The following ZBTB20 variants were observed in gnomAD, a reference collection of about 807,000 sequenced individuals.
ZBTB20 encodes the protein zinc finger and BTB domain-containing protein 20.
ZBTB20 carries 9 observed loss-of-function variants against 56.9 expected under a neutral mutation model. The ratio of observed to expected loss-of-function variants is 0.16; its 90% CI spans 0.10 to 0.28. The LOEUF (loss-of-function observed/expected upper bound fraction) is 0.28. Among genes scored for constraint, ZBTB20 ranks in the 10% least tolerant of loss-of-function variants. The pLI is 1.00. For synonymous variants in ZBTB20, 417 were observed against 420.7 expected (o/e 0.99, Z 0.11); for missense variants, 655 against 1,003.0 (o/e 0.65, Z 4.69).
intron 1 of ZBTB20, among the ~76,000 whole-genome samples, chr3:115,107,613 T>C (rs2083760174): frequency 1.3e-5 from 2 of 152,086 alleles, no homozygotes; most frequent in African/African-American, 4.8e-5. Flanking sequence ...GAACCAGAAA[T>C]GCCATCTGAC....
At chr3:114,811,839 G>A (rs1292104243) in intron 4 of ZBTB20, among the ~76,000 whole-genome samples, 2 of 123,554 alleles carry the variant, frequency 1.6e-5, no homozygotes, top group African/African-American at 6.0e-5. Flanking sequence ...ATGGAACTCC[G>A]TCACCTTGTT....
chr3:114,634,871 C>CATACTGTGTACTGACGCA (rs2059168948), intron 6 of ZBTB20, among the ~76,000 whole-genome samples: 1 of 152,172 alleles, frequency 6.6e-6, no homozygotes, highest in Admixed American at 6.5e-5. Flanking sequence ...TATATTGCCT[C>CATACTGTGTACTGACGCA]ATACTGTGTA....
chr3:115,145,121 G>A (rs1157984995), intron 1 of ZBTB20, among the ~76,000 whole-genome samples: 1 of 152,124 alleles, frequency 6.6e-6, no homozygotes, highest in African/African-American at 2.4e-5. Flanking sequence ...AATTCCTCAA[G>A]GGCAATTTCA....
At chr3:114,777,823 T>C (rs2069721890) in intron 5 of ZBTB20, among the ~76,000 whole-genome samples, 2 of 151,900 alleles carry the variant, frequency 1.3e-5, no homozygotes, top group Admixed American at 6.6e-5. Flanking sequence ...CTATTCACAA[T>C]AGCAAAGACT....
At chr3:114,796,776 T>G (rs1280143012) in intron 5 of ZBTB20, among the ~76,000 whole-genome samples, 1 of 151,934 alleles carries the variant, frequency 6.6e-6, no homozygotes, top group Non-Finnish European at 1.5e-5. Flanking sequence ...ATAAATTAAG[T>G]TTTGATATGC....
At chr3:115,014,433 T>C (rs1290398335) in intron 2 of ZBTB20, among the ~76,000 whole-genome samples, 1 of 151,738 alleles carries the variant, frequency 6.6e-6, no homozygotes, top group Non-Finnish European at 1.5e-5. Context: ...TTGTTTGTAC[T>C]ACAAAGGATA....
In ZBTB20 at chr3:115,051,515, T is replaced by C. The variant is rs555400318; in HGVS notation, c.-507+19704A>G. 5.4e-4 allele frequency among the ~76,000 whole-genome samples: 82 copies of C among 152,220 alleles called. 1 individual carries two copies. In the South Asian group the frequency reaches 0.016, roughly 30 times the overall value. On this transcript the variant is annotated intron_variant, in intron 2 of 11. Transcript: ENST00000675478. ...GTTCTTTTTTAAATGAATACATAGG[T>C]ATTCATAGGTAGTAAGAGCTGTTGA... is the stretch of plus-strand genomic sequence containing the variant.
At chr3:114,386,307 AT>A (rs576136269) in intron 8 of ZBTB20, among the ~76,000 whole-genome samples, 4 of 151,522 alleles carry the variant, frequency 2.6e-5, no homozygotes, top group African/African-American at 4.9e-5. Flanking sequence ...CTGATTTATA[AT>A]TTTTTTTTCA....
At chr3:114,835,632 G>T (rs1026629317) in intron 4 of ZBTB20, among the ~76,000 whole-genome samples, 2 of 152,114 alleles carry the variant, frequency 1.3e-5, no homozygotes, top group East Asian at 3.9e-4. Context: ...AGAATTAGCA[G>T]ATCAAGTATA....
intron 4 of ZBTB20, among the ~76,000 whole-genome samples, chr3:114,849,898 CTTTT>C (rs34170211): frequency 1.7e-5 from 2 of 114,888 alleles, no homozygotes; most frequent in Non-Finnish European, 1.7e-5. Context: ...ATCAGGAAAT[CTTTT>C]TTTTTTTTTT....
intron 6 of ZBTB20, among the ~76,000 whole-genome samples, chr3:114,556,741 T>A (rs771952288): frequency 6.6e-6 from 1 of 151,978 alleles, no homozygotes; most frequent in Non-Finnish European, 1.5e-5. Context: ...ATTATTAGTA[T>A]CTCCAAAGAT....
intron 1 of ZBTB20, among the ~76,000 whole-genome samples, chr3:115,137,364 G>A (rs2084679458): frequency 6.6e-6 from 1 of 151,952 alleles, no homozygotes; most frequent in Non-Finnish European, 1.5e-5. Context: ...TTGGTTGGAG[G>A]TCATTTAAAT....
chr3:114,683,270 T>C (rs1472698612), intron 6 of ZBTB20, among the ~76,000 whole-genome samples: 1 of 152,190 alleles, frequency 6.6e-6, no homozygotes, highest in African/African-American at 2.4e-5. Flanking sequence ...TATCCATGTC[T>C]TAGACACTGA....
intron 4 of ZBTB20, among the ~76,000 whole-genome samples, chr3:114,818,352 T>C (rs1226500512): frequency 6.6e-6 from 1 of 152,132 alleles, no homozygotes; most frequent in Non-Finnish European, 1.5e-5. Context: ...TAAAGTTTTT[T>C]CTAGTTATGC....
At chr3:114,749,613 A>C (rs2108642554) in intron 5 of ZBTB20, among the ~76,000 whole-genome samples, 1 of 151,076 alleles carries the variant, frequency 6.6e-6, no homozygotes, top group Non-Finnish European at 1.5e-5. Flanking sequence ...GGAAGGAAGG[A>C]AGGAAGGAAT....
intron 1 of ZBTB20, among the ~76,000 whole-genome samples, chr3:115,109,404 A>G (rs2083811928): frequency 2.0e-5 from 3 of 152,202 alleles, no homozygotes; most frequent in African/African-American, 7.2e-5. Context: ...TAGTCTTCAT[A>G]TCTTTCCAAA....
intron 7 of ZBTB20, among the ~76,000 whole-genome samples, chr3:114,462,602 T>C (rs1037395957): frequency 1.3e-5 from 2 of 152,176 alleles, no homozygotes; most frequent in African/African-American, 2.4e-5. Flanking sequence ...TTGATTATGG[T>C]CACATATTTT....
chr3:114,850,289 T>C (rs1006355989), intron 4 of ZBTB20, among the ~76,000 whole-genome samples: 10 of 152,154 alleles, frequency 6.6e-5, no homozygotes, highest in Non-Finnish European at 7.3e-5. Context: ...GATTACAGGT[T>C]CACATGGAAA....
intron 4 of ZBTB20, among the ~76,000 whole-genome samples, chr3:114,891,420 G>A (rs1270834624): frequency 3.9e-5 from 6 of 152,286 alleles, no homozygotes; most frequent in Admixed American, 2.0e-4. Context: ...ATTCTTGCAT[G>A]TAATACTTCT....
Sources: allele counts gnomAD v4.1 joint callset (sites outside exome capture counted in the v4.1 genomes callset), GRCh38; gene constraint gnomAD v4.1.1; transcripts MANE v1.5; gene names NCBI Gene and HGNC (gene_info 2026-07-23, HGNC 2026-07-21).